The following CPNE4 variants were observed in gnomAD, a reference collection of about 807,000 sequenced individuals.
The protein encoded by CPNE4 is copine-4.
Under a neutral mutation model 67.9 loss-of-function variants are expected in CPNE4, and 25 were observed. The ratio of observed to expected loss-of-function variants is 0.37; its 90% CI spans 0.27 to 0.51. CPNE4 has a LOEUF of 0.51. CPNE4 is among the 20% of genes least tolerant of loss of function. CPNE4 has a pLI of 0.93. For missense variants in CPNE4, 464 were observed against 690.8 expected, an observed-to-expected ratio of 0.67 and a Z score of 3.68; for synonymous variants, 242 against 244.9, an observed-to-expected ratio of 0.99 and a Z score of 0.11.
intron 2 of CPNE4, among the ~76,000 whole-genome samples, chr3:131,839,584 CATAT>C (rs1271758588): frequency 1.3e-5 from 2 of 151,814 alleles, no homozygotes; most frequent in Non-Finnish European, 2.9e-5. Context: ...ATTTTATGCA[CATAT>C]ATTCATTTAT....
chr3:131,669,487 T>C (rs146642616), intron 7 of CPNE4, among the ~76,000 whole-genome samples, 188 bp downstream of exon 7: 3 of 152,304 alleles, frequency 2.0e-5, no homozygotes, highest in African/African-American at 7.2e-5. Flanking sequence ...GATTTTGGGC[T>C]TTCACATAAG....
chr3:131,952,122 G>T (rs906155472), intron 1 of CPNE4, among the ~76,000 whole-genome samples: 2 of 149,250 alleles, frequency 1.3e-5, no homozygotes, highest in Non-Finnish European at 3.0e-5. Context: ...AGTGAGGAGT[G>T]CCTCTTCCCG....
chr3:131,739,232 T>C (rs1456260986), intron 2 of CPNE4, among the ~76,000 whole-genome samples: 1 of 152,116 alleles, frequency 6.6e-6, no homozygotes, highest in African/African-American at 2.4e-5. Context: ...CTTTTTTTAT[T>C]CACTTTTTAC....
intron 2 of CPNE4, among the ~76,000 whole-genome samples, chr3:131,765,844 G>A (rs1395761195): frequency 6.6e-6 from 1 of 152,080 alleles, no homozygotes; most frequent in Non-Finnish European, 1.5e-5. Context: ...GAGGGCTGAA[G>A]ACATATGAGG....
In CPNE4 at chr3:131,736,611, CAA is replaced by C. The variant is rs71136406; in HGVS notation, c.181-12988_181-12987del. On this transcript the variant is annotated intron_variant, in intron 2 of 15. Coordinates refer to ENST00000429747, the MANE Select transcript of CPNE4 (RefSeq NM_130808.3). ...GACTGGCTACAGAGCAAGACTGTCTCAAAAAAAAAAAAAAAAAAAAAAAGTTG... is the reference window on the plus strand; with the variant it reads ...GACTGGCTACAGAGCAAGACTGTCTCAAAAAAAAAAAAAAAAAAAAAGTTG... 4.6e-3 allele frequency among the ~76,000 whole-genome samples: 381 copies of C among 82,122 alleles called. 3 individuals are homozygous for C. The highest frequency in any genetic ancestry group is 6.5e-3 in the Middle Eastern group (1 of 154). The allele number at this position is 82,122 out of a possible 152,430, so 53.9% of individuals were successfully genotyped here.
Position 131,667,170 on chromosome 3 carries a change from T to A in CPNE4, c.681+2505A>T, listed in dbSNP as rs774218176. ...CCCCTTTTAACACAACAGATTTTCA[T>A]GGACCCTAAAAAGTTCGTTGCTTTC... is the stretch of plus-strand genomic sequence containing the variant. On this transcript the variant is annotated intron_variant, in intron 7 of 15. Coordinates refer to ENST00000429747, the MANE Select transcript of CPNE4 (RefSeq NM_130808.3). Among the ~76,000 whole-genome samples, 86 of 152,150 alleles carry A rather than the reference T, an allele frequency of 5.7e-4. 1 individual carries two copies. The highest frequency in any genetic ancestry group is 6.5e-4 in the Non-Finnish European group (44 of 68,024).
At chr3:131,796,188 C>T (rs1019759444) in intron 2 of CPNE4, among the ~76,000 whole-genome samples, 4 of 151,562 alleles carry the variant, frequency 2.6e-5, no homozygotes, top group Non-Finnish European at 4.4e-5. Context: ...TTTATTTGCT[C>T]TTCCATCACA....
intron 1 of CPNE4, among the ~76,000 whole-genome samples, chr3:131,907,365 C>T (rs1217065795): frequency 6.6e-6 from 1 of 151,896 alleles, no homozygotes; most frequent in Non-Finnish European, 1.5e-5. Context: ...AATAATTCCT[C>T]TCTCTCTCCT....
chr3:131,781,919 G>A (rs2083439994), intron 2 of CPNE4, among the ~76,000 whole-genome samples: 1 of 152,106 alleles, frequency 6.6e-6, no homozygotes, highest in Non-Finnish European at 1.5e-5. Context: ...GGGCTTTTCT[G>A]ATTGCCACCT....
At position 131,828,237 on chromosome 3, in the gene CPNE4, T is replaced by G. The variant is rs1189422027; in HGVS notation, c.180+77027A>C. Among the ~76,000 whole-genome samples, 5 of 152,300 alleles carry G rather than the reference T, an allele frequency of 3.3e-5. No homozygotes were observed. In the East Asian group the frequency reaches 9.6e-4, roughly 29 times the overall value. ...AAAGGCACAGATTTTAAGAGCACAG[T>G]TCAATGAGTTTTGGCAAATGTATAT... On this transcript the variant is annotated intron_variant, in intron 2 of 15. Transcript: ENST00000429747.
intron 7 of CPNE4, among the ~76,000 whole-genome samples, chr3:131,614,917 T>C (rs1465342524): frequency 2.0e-5 from 3 of 152,238 alleles, no homozygotes; most frequent in East Asian, 1.9e-4. Context: ...GTTATGGGTA[T>C]ACTGCATTGT....
chr3:131,552,278 G>T (rs921789426), intron 13 of CPNE4, among the ~76,000 whole-genome samples, 162 bp downstream of exon 13: 1 of 151,894 alleles, frequency 6.6e-6, no homozygotes, highest in African/African-American at 2.4e-5. Flanking sequence ...TGTTATCATG[G>T]CTTTCTCTTG....
chr3:131,934,477 A>G (rs1388893862), intron 1 of CPNE4, among the ~76,000 whole-genome samples: 2 of 152,216 alleles, frequency 1.3e-5, no homozygotes, highest in Non-Finnish European at 2.9e-5. Flanking sequence ...GGTTTGTTAC[A>G]TAGGTATACA....
intron 6 of CPNE4, among the ~76,000 whole-genome samples, chr3:131,680,764 C>A (rs2080729103): frequency 6.6e-6 from 1 of 151,700 alleles, no homozygotes; most frequent in Admixed American, 6.6e-5. Flanking sequence ...TTTGGTGCAC[C>A]CATCACCTGA....
chr3:131,916,083 C>T (rs1252153897), intron 1 of CPNE4, among the ~76,000 whole-genome samples: 2 of 152,138 alleles, frequency 1.3e-5, no homozygotes, highest in Non-Finnish European at 2.9e-5. Flanking sequence ...ACAGCCCCTC[C>T]TTTTCCCGGC....
chr3:132,002,830 A>C (rs552240216), intron 1 of CPNE4, among the ~76,000 whole-genome samples: 1 of 152,244 alleles, frequency 6.6e-6, no homozygotes, highest in African/African-American at 2.4e-5. Context: ...TGGATCAAAA[A>C]GCCAAACTTT....
At chr3:131,551,552 G>A (rs552923341) in intron 13 of CPNE4, among the ~76,000 whole-genome samples, 1 of 152,050 alleles carries the variant, frequency 6.6e-6, no homozygotes, top group South Asian at 2.1e-4. Context: ...TGAGGATGAA[G>A]AATACATTAG....
intron 15 of CPNE4, among the ~76,000 whole-genome samples, chr3:131,540,623 C>T (rs896440908): frequency 6.6e-6 from 1 of 152,138 alleles, no homozygotes; most frequent in African/African-American, 2.4e-5. Context: ...GGTGAGAGTC[C>T]AGTGTGAACC....
At chr3:132,033,817 T>C (rs1298009755) in intron 1 of CPNE4, among the ~76,000 whole-genome samples, 1 of 152,160 alleles carries the variant, frequency 6.6e-6, no homozygotes, top group Non-Finnish European at 1.5e-5. Context: ...TTATCTCCAT[T>C]GGATTCAGCC....
Sources: gnomAD v4.1 joint callset for allele counts (sites outside exome capture counted in the v4.1 genomes callset) on GRCh38, gnomAD v4.1.1 for gene constraint, MANE v1.5 for transcripts, NCBI Gene and HGNC (gene_info 2026-07-23, HGNC 2026-07-21) for gene names.